Variants in GPR174 observed in about 807,000 individuals in gnomAD.
GPR174 encodes probable G protein-coupled receptor 174.
In GPR174, 8 loss-of-function variants were observed where a neutral mutation model predicts 16.5. That is an observed-to-expected ratio of 0.48 (90% CI 0.28 to 0.87). GPR174 has a LOEUF of 0.87. Ranked by LOEUF, GPR174 falls within the 40% of genes least tolerant of loss-of-function variation. The pLI is 0.09. For synonymous variants in GPR174, 111 were observed against 94.8 expected (o/e 1.17, Z -0.99); for missense variants, 214 against 247.5 (o/e 0.86, Z 0.91).
chrX:79,154,610 C>T lies in GPR174; in HGVS notation c.-653-2212C>T, dbSNP rs183276232. Among the ~76,000 whole-genome samples, 181 of 110,763 alleles carry T rather than the reference C, an allele frequency of 1.6e-3. 1 individual carries two copies. Among genetic ancestry groups the T allele is most frequent in the African/African-American group, 5.5e-3 (168 of 30,482 alleles). ...AGAACACAGGGATTCTTTGTATATT[C>T]CCCAATATTTATCAAGAATTGGGCC... On this transcript the variant is annotated intron_variant, in intron 1 of 2. Coordinates refer to ENST00000645147, the MANE Select transcript of GPR174 (RefSeq NM_032553.3).
At position 79,170,655 on chromosome X, in the gene GPR174, G is replaced by T. The variant is rs1043347382; in HGVS notation, c.-353G>T. Reference sequence around the variant, plus strand: ...GGCTATCGTCATATAGGAATTTGAGGAACTGCTATATGGTACATTCCTTTT... The same window carrying T: ...GGCTATCGTCATATAGGAATTTGAGTAACTGCTATATGGTACATTCCTTTT... On this transcript the variant is annotated 5_prime_UTR_variant, in exon 3 of 3. Coordinates refer to ENST00000645147, the MANE Select transcript of GPR174 (RefSeq NM_032553.3). The T allele has an allele frequency of 2.7e-4, 44 of 163,960 alleles. No individual in the cohort carries two copies. Among genetic ancestry groups the T allele is most frequent in the African/African-American group, 9.6e-4 (31 of 32,365 alleles). 13.5% of individuals were successfully genotyped at this position (163,960 alleles called of 1,213,427 possible). A position where few individuals can be genotyped will look rare whatever the true frequency, so the allele number is the denominator to read the frequency against.
At chrX:79,153,315 C>T (rs1007889764) in intron 1 of GPR174, among the ~76,000 whole-genome samples, 3 of 111,833 alleles carry the variant, frequency 2.7e-5, no homozygotes, top group South Asian at 3.7e-4. Flanking sequence ...TGATATCTAG[C>T]GTGATGATTT....
chrX:79,166,363 T>C (rs909141563), intron 2 of GPR174, among the ~76,000 whole-genome samples: 11 of 108,959 alleles, frequency 1.0e-4, no homozygotes, highest in Non-Finnish European at 1.5e-4. Flanking sequence ...AATGGAGCTG[T>C]ATAAAATTGT....
rs918593868 is a variant in GPR174, at chrX:79,149,050, A to G, written c.-654+3833A>G. Among the ~76,000 whole-genome samples, 4 of 112,157 alleles carry G rather than the reference A, an allele frequency of 3.6e-5. No homozygotes were observed. The East Asian group carries it at 1.1e-3, about 31-fold the overall frequency. Reference sequence around the variant, plus strand: ...GATAGACTGATTTATTATTTCTCACATATGTTTTTACAATTAAATATTATG... The same window carrying G: ...GATAGACTGATTTATTATTTCTCACGTATGTTTTTACAATTAAATATTATG... On this transcript the variant is annotated intron_variant, in intron 1 of 2. Transcript: ENST00000645147.
In GPR174 at chrX:79,144,992, T is replaced by TTC. The variant is rs759825117; in HGVS notation, c.-865_-864dup. The TTC allele has an allele frequency of 5.8e-5, 4 of 68,585 alleles. No homozygotes were observed. The highest frequency in any genetic ancestry group is 2.1e-4 in the Admixed American group (1 of 4,829). 5.7% of individuals were successfully genotyped at this position (68,585 alleles called of 1,213,427 possible). ...TCTTTCTTTCTTTTTCTTTCTTTCTTTCTCTCTCTCTCTCTTTCTTTCTTT... is the reference window on the plus strand; with the variant it reads ...TCTTTCTTTCTTTTTCTTTCTTTCTTTCTCTCTCTCTCTCTCTTTCTTTCTTT... On this transcript the variant is annotated 5_prime_UTR_variant, in exon 1 of 3. Transcript: ENST00000645147.
chrX:79,166,570 C>T (rs1921376833), intron 2 of GPR174, among the ~76,000 whole-genome samples: 1 of 105,004 alleles, frequency 9.5e-6, no homozygotes, highest in East Asian at 3.1e-4. Flanking sequence ...TCCCAAGTAG[C>T]TGGGATTACA....
Position 79,173,955 on chromosome X carries a change from CT to C in GPR174, c.*1950del, listed in dbSNP as rs1921579099. 2.7e-5 allele frequency: 3 copies of C among 111,679 alleles called. No homozygotes were observed. The highest frequency in any genetic ancestry group is 9.8e-5 in the African/African-American group (3 of 30,733). 9.2% of individuals were successfully genotyped at this position (111,679 alleles called of 1,213,427 possible). A position where few individuals can be genotyped will look rare whatever the true frequency, so the allele number is the denominator to read the frequency against. ...TGGAATTGTGAAATAACTGTGGGTA[CT>C]TTTAATGTGAGAGTCTTATCTATAG... On this transcript the variant is annotated 3_prime_UTR_variant, in exon 3 of 3. Transcript: ENST00000645147.
In GPR174 at chrX:79,145,046, CTTT is replaced by C. The variant is rs1926471814; in HGVS notation, c.-824_-822del. The C allele has an allele frequency of 2.1e-5, 1 of 47,274 alleles. No individual in the cohort carries two copies. The highest frequency in any genetic ancestry group is 3.9e-5 in the Non-Finnish European group (1 of 25,658). The allele number at this position is 47,274 out of a possible 1,213,427, so 3.9% of individuals were successfully genotyped here. On this transcript the variant is annotated 5_prime_UTR_variant, in exon 1 of 3. Transcript: ENST00000645147. ...TCTTTCTTTCTTTCTTTCTTTCTTT[CTTT>C]CTTTCTTTCTTTCTTTTTTTTCTCC... is the stretch of plus-strand genomic sequence containing the variant.
chrX:79,172,305 T>G lies in GPR174; in HGVS notation c.*296T>G, dbSNP rs1265112219. On this transcript the variant is annotated 3_prime_UTR_variant, in exon 3 of 3. Transcript: ENST00000645147. Reference sequence around the variant, plus strand: ...CTCAACTGTAGTCAGTACTTTTACCTGTGAACCTCAGGCACAAAAAGATTA... The same window carrying G: ...CTCAACTGTAGTCAGTACTTTTACCGGTGAACCTCAGGCACAAAAAGATTA... The G allele has an allele frequency of 4.1e-6, 1 of 244,046 alleles. No individual in the cohort carries two copies. 20.1% of individuals were successfully genotyped at this position (244,046 alleles called of 1,213,427 possible). A position where few individuals can be genotyped will look rare whatever the true frequency, so the allele number is the denominator to read the frequency against.
intron 1 of GPR174, among the ~76,000 whole-genome samples, chrX:79,151,963 A>G (rs1926609224): frequency 8.9e-6 from 1 of 111,955 alleles, no homozygotes; most frequent in African/African-American, 3.2e-5. Context: ...TAATGTAAAA[A>G]GAAAATCATA....
At chrX:79,146,459 A>G (rs932779221) in intron 1 of GPR174, among the ~76,000 whole-genome samples, 1 of 112,242 alleles carries the variant, frequency 8.9e-6, no homozygotes, top group African/African-American at 3.2e-5. Context: ...CATTAAACTT[A>G]TAGAGAGGAT....
chrX:79,165,248 G>A (rs1217283438), intron 2 of GPR174, among the ~76,000 whole-genome samples: 1 of 106,810 alleles, frequency 9.4e-6, no homozygotes, highest in African/African-American at 3.4e-5. Flanking sequence ...GAAGAAAATG[G>A]CTCCCAAATA....
At position 79,174,383 on chromosome X, in the gene GPR174, G is replaced by A. The variant is rs1346513207; in HGVS notation, c.*2374G>A. 1 of 106,199 alleles carries A rather than the reference G, an allele frequency of 9.4e-6. No individual in the cohort carries two copies. Among genetic ancestry groups the A allele is most frequent in the Non-Finnish European group, 1.9e-5 (1 of 51,726 alleles). 8.8% of individuals were successfully genotyped at this position (106,199 alleles called of 1,213,427 possible). On this transcript the variant is annotated 3_prime_UTR_variant, in exon 3 of 3. Transcript: ENST00000645147. ...AACCTGATCAATTCATTCACACCAT[G>A]GTGCTAATAGCTAATGTTAGGTTCA...
intron 1 of GPR174, among the ~76,000 whole-genome samples, chrX:79,156,619 T>C (rs1921105498): frequency 8.9e-6 from 1 of 111,738 alleles, no homozygotes; most frequent in African/African-American, 3.3e-5. Flanking sequence ...AGCTGCCATG[T>C]CAAAAAGAGA....
Position 79,172,039 on chromosome X carries a change from A to G in GPR174, c.*30A>G, listed in dbSNP as rs1217859073. 8.7e-7 allele frequency: 1 copy of G among 1,155,817 alleles called. No individual in the cohort carries two copies. The highest frequency in any genetic ancestry group is 1.2e-6 in the Non-Finnish European group (1 of 865,919). ...AAAAACCAAACTGAATGTGACCTGAAATGCAAGTACATCAGAACATATCTG... is the reference window on the plus strand; with the variant it reads ...AAAAACCAAACTGAATGTGACCTGAGATGCAAGTACATCAGAACATATCTG... On this transcript the variant is annotated 3_prime_UTR_variant, in exon 3 of 3. Transcript: ENST00000645147.
chrX:79,154,971 C>G (rs1395683094), intron 1 of GPR174, among the ~76,000 whole-genome samples: 1 of 111,519 alleles, frequency 9.0e-6, no homozygotes, highest in Non-Finnish European at 1.9e-5. Flanking sequence ...AAAACAAAAT[C>G]CATTCTTTGA....
chrX:79,150,789 T>A (rs1926586346), intron 1 of GPR174, among the ~76,000 whole-genome samples: 1 of 112,024 alleles, frequency 8.9e-6, no homozygotes, highest in Non-Finnish European at 1.9e-5. Context: ...TCATGGGGAA[T>A]TCTGAGCCTT....
chrX:79,157,462 T>A (rs918682638), intron 2 of GPR174, among the ~76,000 whole-genome samples: 1 of 111,771 alleles, frequency 8.9e-6, no homozygotes, highest in Non-Finnish European at 1.9e-5. Context: ...ACAGCCTTTA[T>A]TCCCATTTTG....
intron 1 of GPR174, among the ~76,000 whole-genome samples, chrX:79,145,748 G>A (rs1454223391): frequency 1.8e-5 from 2 of 111,645 alleles, no homozygotes; most frequent in Non-Finnish European, 3.8e-5. Context: ...ATCAGCTTGT[G>A]TAAGTTACTT....
Sources: gnomAD v4.1 joint callset for allele counts (sites outside exome capture counted in the v4.1 genomes callset) on GRCh38, gnomAD v4.1.1 for gene constraint, MANE v1.5 for transcripts, NCBI Gene and HGNC (gene_info 2026-07-23, HGNC 2026-07-21) for gene names.